NHS: variants seen among roughly 807,000 people sequenced by gnomAD.
NHS encodes NHS actin remodeling regulator, also known as actin remodeling regulator NHS.
In NHS, 5 loss-of-function variants were observed where a neutral mutation model predicts 72.5. The observed-to-expected ratio is 0.07, with a 90% CI of 0.04 to 0.14. The LOEUF (loss-of-function observed/expected upper bound fraction) is 0.14. Among genes scored for constraint, NHS ranks in the 10% least tolerant of loss-of-function variants. NHS has a pLI of 1.00. For synonymous variants in NHS, 464 were observed against 547.7 expected (o/e 0.85, Z 2.13); for missense variants, 1,072 against 1,355.7 (o/e 0.79, Z 3.29).
In NHS at chrX:17,542,329, G is replaced by A. The variant is rs138715764; in HGVS notation, c.566-145413G>A. 5.9e-3 allele frequency among the ~76,000 whole-genome samples: 665 copies of A among 113,308 alleles called. 2 individuals are homozygous for A. The highest frequency in any genetic ancestry group is 0.023 in the Middle Eastern group (5 of 219). On this transcript the variant is annotated intron_variant, in intron 1 of 8. Coordinates refer to ENST00000676302, the MANE Select transcript of NHS (RefSeq NM_001291867.2). Reference sequence around the variant, plus strand: ...TTCTGCCACTTGCCTGACCTGCTGCGGCAAAGCAGCCCACTGGGGAAACTT... The same window carrying A: ...TTCTGCCACTTGCCTGACCTGCTGCAGCAAAGCAGCCCACTGGGGAAACTT...
chrX:17,656,286 C>G (rs759706061), intron 1 of NHS, among the ~76,000 whole-genome samples: 335 of 113,576 alleles, frequency 2.9e-3, no homozygotes, highest in Non-Finnish European at 4.1e-3. Context: ...TGAGCGGGCG[C>G]CAGGGGAGGC....
intron 1 of NHS, among the ~76,000 whole-genome samples, chrX:17,538,676 G>A (rs1219560933): frequency 8.9e-6 from 1 of 111,832 alleles, no homozygotes; most frequent in Non-Finnish European, 1.9e-5. Context: ...AGTGGGAAGG[G>A]GCTTCACCGG....
chrX:17,483,103 A>G (rs753852894), intron 1 of NHS, among the ~76,000 whole-genome samples: 2 of 112,125 alleles, frequency 1.8e-5, no homozygotes, highest in Admixed American at 9.5e-5. Flanking sequence ...TTTTAGTATC[A>G]CTCCAGGGAT....
At chrX:17,681,758 C>T (rs776247446) in intron 1 of NHS, among the ~76,000 whole-genome samples, 60 of 111,848 alleles carry the variant, frequency 5.4e-4, no homozygotes, top group Admixed American at 4.5e-3. Flanking sequence ...TATGAAGCAT[C>T]GTTTTGTTTT....
chrX:17,561,556 ATGCGCGCGCGCGCGCGCG>A (rs1733386695), intron 1 of NHS, among the ~76,000 whole-genome samples: 1 of 70,547 alleles, frequency 1.4e-5, no homozygotes, highest in Non-Finnish European at 2.3e-5. Context: ...ATGCAAGTGC[ATGCGCGCGCGCGCGCGCG>A]CACACACACA....
intron 1 of NHS, among the ~76,000 whole-genome samples, chrX:17,520,814 A>G (rs1194590727): frequency 9.0e-6 from 1 of 111,067 alleles, no homozygotes; most frequent in Non-Finnish European, 1.9e-5. Flanking sequence ...TTGAACTGGG[A>G]TGCATACCCT....
intron 1 of NHS, among the ~76,000 whole-genome samples, chrX:17,573,937 C>G (rs1319272141): frequency 8.9e-6 from 1 of 111,958 alleles, no homozygotes; most frequent in African/African-American, 3.3e-5. Context: ...AGACAGGCCT[C>G]TCAGCTGCAG....
At chrX:17,701,861 T>C (rs1212854174) in intron 3 of NHS, among the ~76,000 whole-genome samples, 1 of 111,446 alleles carries the variant, frequency 9.0e-6, no homozygotes, top group African/African-American at 3.3e-5. Context: ...AAGTGATACC[T>C]AAGGTATCAA....
chrX:17,637,291 A>G (rs1284817879), intron 1 of NHS, among the ~76,000 whole-genome samples: 1 of 112,117 alleles, frequency 8.9e-6, no homozygotes, highest in East Asian at 2.8e-4. Context: ...TTTAGGCTCA[A>G]TAAGAAAGAT....
intron 1 of NHS, among the ~76,000 whole-genome samples, chrX:17,423,436 G>A (rs2064633985): frequency 9.0e-6 from 1 of 111,429 alleles, no homozygotes; most frequent in African/African-American, 3.3e-5. Context: ...TAACCAGACA[G>A]TCCAGTGAGA....
intron 1 of NHS, among the ~76,000 whole-genome samples, chrX:17,549,347 T>C (rs1237939452): frequency 1.8e-5 from 2 of 110,308 alleles, no homozygotes; most frequent in African/African-American, 6.6e-5. Flanking sequence ...ACTTTGGTGC[T>C]AACTGCCCCC....
chrX:17,664,991 A>C (rs1309227500), intron 1 of NHS, among the ~76,000 whole-genome samples: 1 of 110,269 alleles, frequency 9.1e-6, no homozygotes, highest in Admixed American at 9.7e-5. Flanking sequence ...TTTTCATTTC[A>C]TTCTCTAATT....
chrX:17,420,909 C>G (rs1307351995), intron 1 of NHS, among the ~76,000 whole-genome samples: 1 of 107,917 alleles, frequency 9.3e-6, no homozygotes, highest in African/African-American at 3.4e-5. Context: ...TGACTTCTTA[C>G]TTAGAGTTAT....
Position 17,375,889 on chromosome X carries a change from G to T in NHS, c.132G>T (p.Arg44Ser). 9.1e-7 allele frequency: 1 copy of T among 1,097,868 alleles called. No homozygotes were observed. Among genetic ancestry groups the T allele is most frequent in the Admixed American group, 3.3e-5 (1 of 30,025 alleles). The allele number at this position is 1,097,868 out of a possible 1,213,427, so 90.5% of individuals were successfully genotyped here. ...PPPPLQPPGR[R>S]DLDEVEAPGP... The stretch of plus-strand genomic sequence containing the variant: ...CGCCCTTGCAGCCGCCGGGCCGGAG[G>T]GACCTGGACGAGGTCGAGGCGCCAG... The change falls in exon 1 of 9, where the codon AGG becomes AGT. Residue 44 changes from arginine (R) to serine (S), a missense_variant. Physicochemically the swap from Arg to Ser is moderately radical, Grantham distance 110. Coordinates refer to ENST00000676302, the MANE Select transcript of NHS (RefSeq NM_001291867.2).
intron 1 of NHS, among the ~76,000 whole-genome samples, chrX:17,437,294 T>A (rs112481968): frequency 8.9e-6 from 1 of 112,045 alleles, no homozygotes; most frequent in Non-Finnish European, 1.9e-5. Flanking sequence ...CAGACACACA[T>A]GCACACACAC....
intron 2 of NHS, 84 bp from the exon 3 acceptor site, chrX:17,692,251 G>A: frequency 9.4e-7 from 1 of 1,066,688 alleles, no homozygotes; most frequent in Non-Finnish European, 1.3e-6. Flanking sequence ...TTTTTTTACA[G>A]CCTTTTGCTA....
rs1028050823 is a variant in NHS, at chrX:17,731,907, C to A, written c.4399C>A (p.Arg1467=). The change falls in exon 9 of 9, where the codon CGA becomes AGA. Residue 1467 remains arginine, a synonymous_variant. Transcript: ENST00000676302. Reference sequence around the variant, plus strand: ...AAAAGATTCCGGGGACATGTCTGTTCGAAGCAAATCGAGAGCTCCCCTCAG... The same window carrying A: ...AAAAGATTCCGGGGACATGTCTGTTAGAAGCAAATCGAGAGCTCCCCTCAG... ...GRKDSGDMSV[R]SKSRAPLSSS... 1.3e-5 allele frequency: 16 copies of A among 1,209,396 alleles called. No individual in the cohort carries two copies. The highest frequency in any genetic ancestry group is 1.8e-5 in the Non-Finnish European group (16 of 894,178).
intron 1 of NHS, among the ~76,000 whole-genome samples, chrX:17,500,538 A>G (rs2065032276): frequency 8.9e-6 from 1 of 111,742 alleles, no homozygotes; most frequent in African/African-American, 3.2e-5. Context: ...ATGTCTGGCC[A>G]CGTTTCCTCC....
intron 1 of NHS, chrX:17,635,548 G>T: frequency 8.6e-7 from 1 of 1,167,786 alleles, no homozygotes; most frequent in Non-Finnish European, 1.1e-6. Flanking sequence ...TCCTTAAGGA[G>T]CAGAGCGGGA....
Sources: gnomAD v4.1 joint callset for allele counts (sites outside exome capture counted in the v4.1 genomes callset) on GRCh38, gnomAD v4.1.1 for gene constraint, MANE v1.5 for transcripts, NCBI Gene and HGNC (gene_info 2026-07-23, HGNC 2026-07-21) for gene names.